The following GNG7 variants were observed in gnomAD, a reference collection of about 807,000 sequenced individuals.
GNG7 encodes the protein G protein subunit gamma 7.
GNG7 carries 1 observed loss-of-function variant against 4.0 expected under a neutral mutation model. The observed-to-expected ratio is 0.25, with a 90% CI of 0.09 to 1.18. The LOEUF is 1.18. GNG7 is among the 50% of genes most tolerant of loss of function. The pLI is 0.50. For synonymous variants in GNG7, 34 were observed against 36.9 expected (o/e 0.92, Z 0.29); for missense variants, 86 against 91.9 (o/e 0.94, Z 0.26).
At chr19:2,664,925 C>T (rs1014605942) in intron 1 of GNG7, among the ~76,000 whole-genome samples, 3 of 152,236 alleles carry the variant, frequency 2.0e-5, no homozygotes, top group African/African-American at 7.2e-5. Flanking sequence ...ACCCAGTGTC[C>T]CCTGGGGCAG....
chr19:2,684,433 C>A (rs975389093), intron 1 of GNG7, among the ~76,000 whole-genome samples: 60 of 151,838 alleles, frequency 4.0e-4, no homozygotes, highest in African/African-American at 1.3e-3. Context: ...CCGTGCCCGG[C>A]CCGCACCAGT....
chr19:2,652,174 CAA>C (rs962048355), intron 1 of GNG7, among the ~76,000 whole-genome samples: 1 of 137,146 alleles, frequency 7.3e-6, no homozygotes. Flanking sequence ...GACTCCGTCT[CAA>C]AAAAAAAAAA....
At chr19:2,635,933 A>AC (rs1982296403) in intron 2 of GNG7, among the ~76,000 whole-genome samples, 2 of 152,190 alleles carry the variant, frequency 1.3e-5, no homozygotes, top group Admixed American at 6.5e-5. Context: ...ATTTGGGGAC[A>AC]TTTGTGGTTG....
intron 1 of GNG7, among the ~76,000 whole-genome samples, chr19:2,661,337 A>AAAGG (rs1983169454): frequency 3.4e-5 from 5 of 147,584 alleles, no homozygotes; most frequent in Admixed American, 2.7e-4. Context: ...AGAAAGAAAG[A>AAAGG]AAGAAAGAAA....
At chr19:2,612,912 G>A (rs1040548287) in intron 2 of GNG7, among the ~76,000 whole-genome samples, 5 of 151,988 alleles carry the variant, frequency 3.3e-5, no homozygotes, top group South Asian at 2.1e-4. Flanking sequence ...GGATGGTCTC[G>A]AACTCCTGAC....
chr19:2,552,525 C>T (rs934686163), intron 3 of GNG7, among the ~76,000 whole-genome samples: 1 of 151,994 alleles, frequency 6.6e-6, no homozygotes, highest in African/African-American at 2.4e-5. Context: ...GCTGGGACTA[C>T]AGGTGCCCAC....
At chr19:2,602,099 G>A (rs936400588) in intron 2 of GNG7, among the ~76,000 whole-genome samples, 4 of 152,134 alleles carry the variant, frequency 2.6e-5, no homozygotes, top group Non-Finnish European at 5.9e-5. Context: ...CACTCTGGGA[G>A]GCCGAGATGG....
intron 1 of GNG7, among the ~76,000 whole-genome samples, chr19:2,676,503 C>T (rs1232511741): frequency 1.3e-5 from 2 of 152,294 alleles, no homozygotes. Context: ...ACCTCCACCG[C>T]CTGGCTCAAG....
At chr19:2,686,714 G>A (rs1415780530) in intron 1 of GNG7, among the ~76,000 whole-genome samples, 5 of 151,912 alleles carry the variant, frequency 3.3e-5, no homozygotes. Flanking sequence ...AGCCTTTGTA[G>A]GGTGGGGTCA....
rs1281786638 is a variant in GNG7 at position 2,686,220 on chromosome 19, C to T, written c.-135+16426G>A. On this transcript the variant is annotated intron_variant, in intron 1 of 4. Coordinates refer to ENST00000382159, the MANE Select transcript of GNG7 (RefSeq NM_052847.3). ...TCGCCCAGGCTGGAGTGCAGTGGTG[C>T]GATCTCAGCTCACTGCAACCTCCGC... Among the ~76,000 whole-genome samples, 10 of 151,294 alleles carry T rather than the reference C, an allele frequency of 6.6e-5. 1 individual carries two copies. Among genetic ancestry groups the T allele is most frequent in the South Asian group, 4.2e-4 (2 of 4,794 alleles).
rs899593931 is a variant in GNG7 at position 2,557,012 on chromosome 19, TAC to T, written c.-77-1826_-77-1825del. ...GGGGGGCTGCCTCCCCTCCCACCTCTACACACACACACGCACACACAGACACA... is the reference window on the plus strand; with the variant it reads ...GGGGGGCTGCCTCCCCTCCCACCTCTACACACACACGCACACACAGACACA... On this transcript the variant is annotated intron_variant, in intron 2 of 4. Coordinates refer to ENST00000382159, the MANE Select transcript of GNG7 (RefSeq NM_052847.3). This position sits in a 1 kb window ranked among gnomAD's most constrained non-coding sequence, Gnocchi z 5.1. Among the ~76,000 whole-genome samples the T allele has an allele frequency of 7.6e-5, 9 of 118,034 alleles. No individual in the cohort carries two copies. The highest frequency in any genetic ancestry group is 4.6e-4 in the East Asian group (2 of 4,320). The allele number at this position is 118,034 out of a possible 152,430, so 77.4% of individuals were successfully genotyped here. A position where few individuals can be genotyped will look rare whatever the true frequency, so the allele number is the denominator to read the frequency against.
chr19:2,614,324 C>A lies in GNG7; in HGVS notation c.-78+31900G>T, dbSNP rs964418635. Among the ~76,000 whole-genome samples, 2 of 152,198 alleles carry A rather than the reference C, an allele frequency of 1.3e-5. No homozygotes were observed. Among genetic ancestry groups the A allele is most frequent in the African/African-American group, 4.8e-5 (2 of 41,446 alleles). On this transcript the variant is annotated intron_variant, in intron 2 of 4. Transcript: ENST00000382159. This position sits in a 1 kb window ranked among gnomAD's most constrained non-coding sequence, Gnocchi z 6.0. ...TCTCAGGCACATGTGTGGTGAAATG[C>A]ACACAACAAAAAAGCTCCCTTTCCA...
intron 3 of GNG7, among the ~76,000 whole-genome samples, chr19:2,531,566 T>A (rs1256520461): frequency 3.3e-5 from 5 of 151,484 alleles, no homozygotes; most frequent in Non-Finnish European, 5.9e-5. Flanking sequence ...GGTCAGGAGA[T>A]CAAGACCATC....
chr19:2,545,874 G>C (rs900029352), intron 3 of GNG7, among the ~76,000 whole-genome samples: 6 of 152,080 alleles, frequency 3.9e-5, no homozygotes, highest in Non-Finnish European at 1.5e-5. Flanking sequence ...AGAATTGCTT[G>C]AACCCGGGAG....
At chr19:2,636,892 G>A (rs1982321689) in intron 2 of GNG7, among the ~76,000 whole-genome samples, 1 of 151,904 alleles carries the variant, frequency 6.6e-6, no homozygotes, top group Non-Finnish European at 1.5e-5. Context: ...ATCCCCACCT[G>A]CACCCACCTG....
chr19:2,620,231 G>A (rs149662916), intron 2 of GNG7, among the ~76,000 whole-genome samples: 3,495 of 78,364 alleles, frequency 0.045, 191 homozygotes, highest in African/African-American at 0.22. Flanking sequence ...AGAGGAGAGG[G>A]GAGGGGAGGG....
chr19:2,677,584 G>T (rs574913420), intron 1 of GNG7, among the ~76,000 whole-genome samples: 1 of 152,130 alleles, frequency 6.6e-6, no homozygotes, highest in African/African-American at 2.4e-5. Flanking sequence ...AACCAAGGGG[G>T]GCCCCAGCTC....
At chr19:2,592,794 AAGAG>A (rs1485418186) in intron 2 of GNG7, among the ~76,000 whole-genome samples, 3 of 103,934 alleles carry the variant, frequency 2.9e-5, no homozygotes, top group African/African-American at 9.9e-5. Context: ...GGAGGGAGGG[AAGAG>A]AGAAAGAAAG....
At chr19:2,649,667 C>T (rs559731216) in intron 1 of GNG7, among the ~76,000 whole-genome samples, 13 of 152,210 alleles carry the variant, frequency 8.5e-5, no homozygotes, top group Admixed American at 5.2e-4. Context: ...GGATTACAGG[C>T]GTGAGCCACC....
Sources: gnomAD v4.1 joint callset for allele counts (sites outside exome capture counted in the v4.1 genomes callset) on GRCh38, gnomAD v4.1.1 for gene constraint, Gnocchi (gnomAD v3.1) non-coding constraint, MANE v1.5 for transcripts, NCBI Gene and HGNC (gene_info 2026-07-23, HGNC 2026-07-21) for gene names.